Variants in CFAP44 observed in about 807,000 individuals in gnomAD.
CFAP44 encodes cilia- and flagella-associated protein 44.
In CFAP44, 134 loss-of-function variants were observed where a neutral mutation model predicts 216.2. The ratio of observed to expected loss-of-function variants is 0.62; its 90% CI spans 0.54 to 0.72. CFAP44 has a LOEUF of 0.72. Among genes scored for constraint, CFAP44 ranks in the 30% least tolerant of loss-of-function variants. The pLI, the probability that CFAP44 is intolerant of heterozygous loss-of-function variation, is 0.00. For synonymous variants in CFAP44, 700 were observed against 727.6 expected (o/e 0.96, Z 0.61); for missense variants, 2,035 against 2,182.1 (o/e 0.93, Z 1.34).
At chr3:113,344,746 C>T (rs1950365318) in intron 22 of CFAP44, 34 bp from the exon 23 acceptor site, 1 of 1,452,714 alleles carries the variant, frequency 6.9e-7, no homozygotes, top group African/African-American at 1.4e-5. Context: ...GCAGTAGTCA[C>T]CATTTTGATC....
At chr3:113,402,954 T>G (rs937981132) in intron 9 of CFAP44, among the ~76,000 whole-genome samples, 1 of 152,144 alleles carries the variant, frequency 6.6e-6, no homozygotes, top group African/African-American at 2.4e-5. Context: ...AAGATTAAAT[T>G]TAATATTGTA....
chr3:113,426,644 T>C (rs1934966956), intron 3 of CFAP44: 1 of 212,196 alleles, frequency 4.7e-6, no homozygotes, highest in Admixed American at 5.2e-5. Context: ...CAGTCTCAGG[T>C]ATGTGTTTAT....
At position 113,373,352 on chromosome 3, in the gene CFAP44, C is replaced by T. The variant is rs994487416; in HGVS notation, c.2444+59G>A. 5 of 1,351,502 alleles carry T rather than the reference C, an allele frequency of 3.7e-6. No homozygotes were observed. The African/African-American group carries it at 6.0e-5, about 16-fold the overall frequency. The allele number at this position is 1,351,502 out of a possible 1,614,324, so 83.7% of individuals were successfully genotyped here. A position where few individuals can be genotyped will look rare whatever the true frequency, so the allele number is the denominator to read the frequency against. On this transcript the variant is annotated intron_variant, in intron 18 of 34. Transcript: ENST00000393845. Reference sequence around the variant, plus strand: ...AAAAATTGACAATATCCATGATGAACAAAAGCATAGACACTAACAGGATAT... The same window carrying T: ...AAAAATTGACAATATCCATGATGAATAAAAGCATAGACACTAACAGGATAT...
Position 113,341,739 on chromosome 3 carries a change from C to A in CFAP44, c.3437+5G>T. 6.9e-7 allele frequency: 1 copy of A among 1,458,982 alleles called. No individual in the cohort carries two copies. The highest frequency in any genetic ancestry group is 8.9e-7 in the Non-Finnish European group (1 of 1,117,878). The allele number at this position is 1,458,982 out of a possible 1,614,324, so 90.4% of individuals were successfully genotyped here. The stretch of plus-strand genomic sequence containing the variant: ...AGATAAGAGTTTAGGTAAAAAAAAA[C>A]TCACAGTTCCTCCCATTCTTTTTTT... On this transcript the variant is annotated splice_donor_5th_base_variant and intron_variant, in intron 24 of 34. Transcript: ENST00000393845.
chr3:113,333,320 C>T, intron 25 of CFAP44, 86 bp downstream of exon 25: 3 of 1,121,482 alleles, frequency 2.7e-6, no homozygotes, highest in East Asian at 2.6e-5. Flanking sequence ...TCTTATTGAC[C>T]AGATAGGGAA....
intron 22 of CFAP44, among the ~76,000 whole-genome samples, chr3:113,351,197 T>C (rs1950441948): frequency 6.6e-6 from 1 of 152,232 alleles, no homozygotes; most frequent in Non-Finnish European, 1.5e-5. Flanking sequence ...CGAGATCTTA[T>C]TAATAGCAAA....
intron 24 of CFAP44, among the ~76,000 whole-genome samples, chr3:113,338,066 C>A (rs1455927074): frequency 1.3e-5 from 2 of 151,540 alleles, no homozygotes; most frequent in Non-Finnish European, 2.9e-5. Context: ...GGTTCCAAAC[C>A]AGCCTGGCCA....
intron 8 of CFAP44, 76 bp from the exon 9 acceptor site, chr3:113,404,092 A>C: frequency 7.2e-7 from 1 of 1,392,274 alleles, no homozygotes; most frequent in Non-Finnish European, 9.4e-7. Flanking sequence ...ATAGTAGGTG[A>C]AAATTATTTT....
chr3:113,344,843 C>T (rs1576558842), intron 22 of CFAP44, 131 bp from the exon 23 acceptor site: 2 of 779,754 alleles, frequency 2.6e-6, no homozygotes. Flanking sequence ...CAAATTTTAA[C>T]ATATATATAC....
chr3:113,392,235 C>T (rs1487415765), intron 15 of CFAP44, among the ~76,000 whole-genome samples: 1 of 152,012 alleles, frequency 6.6e-6, no homozygotes, highest in Non-Finnish European at 1.5e-5. Flanking sequence ...GAATGAAATC[C>T]TATGATTTGC....
chr3:113,425,204 T>C (rs993804977), intron 4 of CFAP44, among the ~76,000 whole-genome samples: 10 of 152,336 alleles, frequency 6.6e-5, no homozygotes, highest in African/African-American at 2.2e-4. Flanking sequence ...ACATGTTCTA[T>C]TTTTATGTTT....
chr3:113,324,261 A>C (rs1217722482), intron 28 of CFAP44, among the ~76,000 whole-genome samples: 1 of 152,142 alleles, frequency 6.6e-6, no homozygotes, highest in Admixed American at 6.5e-5. Flanking sequence ...ATTCATATTA[A>C]GAAGCTAGTT....
chr3:113,287,439 G>A lies in CFAP44; in HGVS notation c.*4118C>T, dbSNP rs1376593704. ...ACTGTAACTTCTAAATAAATGTTTA[G>A]TCTTCCCTGTAACCTTCAAACTGAG... On this transcript the variant is annotated 3_prime_UTR_variant, in exon 35 of 35. Transcript: ENST00000393845. The A allele has an allele frequency of 2.6e-5, 4 of 155,128 alleles. No individual in the cohort carries two copies. The highest frequency in any genetic ancestry group is 9.6e-5 in the African/African-American group (4 of 41,474). The allele number at this position is 155,128 out of a possible 1,614,324, so 9.6% of individuals were successfully genotyped here.
In CFAP44 at chr3:113,291,461, C is replaced by T; in HGVS notation, c.*96G>A. The T allele has an allele frequency of 7.3e-7, 1 of 1,362,652 alleles. No individual in the cohort carries two copies. Among genetic ancestry groups the T allele is most frequent in the Non-Finnish European group, 9.8e-7 (1 of 1,017,622 alleles). The allele number at this position is 1,362,652 out of a possible 1,614,324, so 84.4% of individuals were successfully genotyped here. A position where few individuals can be genotyped will look rare whatever the true frequency, so the allele number is the denominator to read the frequency against. On this transcript the variant is annotated 3_prime_UTR_variant, in exon 35 of 35. Coordinates refer to ENST00000393845, the MANE Select transcript of CFAP44 (RefSeq NM_001164496.2). ...CTGGTTTTACACTTTCAGGCGAGTT[C>T]AGTTTAAAGTAATAAGATTGTTGGA...
chr3:113,312,025 G>C (rs543907146), intron 28 of CFAP44, among the ~76,000 whole-genome samples: 2 of 151,666 alleles, frequency 1.3e-5, no homozygotes, highest in East Asian at 3.9e-4. Flanking sequence ...GAAGTGACTT[G>C]GATACTGTTA....
chr3:113,409,200 G>C lies in CFAP44; in HGVS notation c.796C>G (p.Leu266Val), dbSNP rs1391632414. The stretch of plus-strand genomic sequence containing the variant: ...TCCTGAGAAAAAGCTTTTGTCCTTA[G>C]TATGGGTTGTTCTTCTTTCCAGTTC... ...IWNWKEEQPI[L>V]RTKAFSQEVF... Residue 266 changes from leucine to valine, a missense_variant, in exon 7 of 35, where the codon CTA becomes GTA. Transcript: ENST00000393845. 14 of 1,613,920 alleles carry C rather than the reference G, an allele frequency of 8.7e-6. No homozygotes were observed. The Admixed American group carries it at 2.3e-4, about 27-fold the overall frequency.
chr3:113,358,854 T>C lies in CFAP44; in HGVS notation c.2956A>G (p.Ile986Val). The change falls in exon 22 of 35, where the codon ATC becomes GTC. Residue 986 changes from isoleucine (I) to valine (V), a missense_variant. Physicochemically the swap from Ile to Val is conservative, Grantham distance 29 (BLOSUM62 3). This residue lies in a region of CFAP44 where 1,883 missense variants were observed against 2,023.7 expected (regional missense o/e 0.93). Transcript: ENST00000393845. ...GTTTTTCTGTGCATCTCAGCACGGATTTGGGAATCTACATCAAAATCCTGC... is the reference window on the plus strand; with the variant it reads ...GTTTTTCTGTGCATCTCAGCACGGACTTGGGAATCTACATCAAAATCCTGC... Reference protein sequence around the residue: ...KRTDFDVDSQIRAEMHRKTAF... With the variant: ...KRTDFDVDSQVRAEMHRKTAF... 6.5e-7 allele frequency: 1 copy of C among 1,536,620 alleles called. No homozygotes were observed. The highest frequency in any genetic ancestry group is 8.7e-7 in the Non-Finnish European group (1 of 1,146,438).
rs147753322 is a variant in CFAP44 at position 113,433,181 on chromosome 3, C to A, written c.100+384G>T. 8.3e-3 allele frequency among the ~76,000 whole-genome samples: 1,268 copies of A among 152,072 alleles called. 22 individuals are homozygous for A. The highest frequency in any genetic ancestry group is 0.029 in the African/African-American group (1,199 of 41,472). ...TGGTGGCTCATGCCTGTAATCCCAG[C>A]ACTTTGGGAGGCAGAGGCAGGTGGA... On this transcript the variant is annotated intron_variant, in intron 2 of 34. Transcript: ENST00000393845.
intron 9 of CFAP44, among the ~76,000 whole-genome samples, chr3:113,402,191 A>G (rs1385343588): frequency 6.6e-6 from 1 of 152,236 alleles, no homozygotes; most frequent in East Asian, 1.9e-4. Context: ...CATTAGAAGC[A>G]AAGAATATAG....
Sources: gnomAD v4.1 joint callset for allele counts (sites outside exome capture counted in the v4.1 genomes callset) on GRCh38, gnomAD v4.1.1 for gene constraint, gnomAD v4.1.1 regional missense constraint, MANE v1.5 for transcripts, NCBI Gene and HGNC (gene_info 2026-07-23, HGNC 2026-07-21) for gene names.